Variants in HNRNPF observed in about 807,000 individuals in gnomAD.
HNRNPF encodes the protein heterogeneous nuclear ribonucleoprotein F, also known as HnRNP F protein.
In HNRNPF, 2 loss-of-function variants were observed where a neutral mutation model predicts 26.0. That is an observed-to-expected ratio of 0.08 (90% CI 0.03 to 0.24). The LOEUF (loss-of-function observed/expected upper bound fraction) is 0.24. Ranked by LOEUF, HNRNPF falls within the 10% of genes least tolerant of loss-of-function variation. The probability of loss-of-function intolerance (pLI) is 1.00; values close to 1 mark genes in which losing one functional copy is unlikely to be tolerated. For synonymous variants in HNRNPF, 234 were observed against 211.5 expected, an observed-to-expected ratio of 1.11 and a Z score of -0.92; for missense variants, 299 against 539.2, an observed-to-expected ratio of 0.55 and a Z score of 4.41.
At chr10:43,390,853 A>G (rs1838216901) in intron 3 of HNRNPF, among the ~76,000 whole-genome samples, 1 of 152,114 alleles carries the variant, frequency 6.6e-6, no homozygotes, top group African/African-American at 2.4e-5. Flanking sequence ...TTGTGGAGGC[A>G]GGCCCAGGCA....
rs371110120 is a variant in HNRNPF, at chr10:43,395,896, C to A, written c.-112+560G>T. ...CCTGTAGACCACGGCCACTGCGCAC[C>A]GCCAACGCACGCAGAGGAAGAGTCT... On this transcript the variant is annotated intron_variant, in intron 2 of 3. Coordinates refer to ENST00000682386, the MANE Select transcript of HNRNPF (RefSeq NM_001098204.2). Among the ~76,000 whole-genome samples the A allele has an allele frequency of 1.5e-3, 236 of 152,282 alleles. 1 individual carries two copies. The highest frequency in any genetic ancestry group is 5.4e-3 in the African/African-American group (224 of 41,562).
At chr10:43,398,455 C>T (rs1363807877) in intron 1 of HNRNPF, among the ~76,000 whole-genome samples, 2 of 151,480 alleles carry the variant, frequency 1.3e-5, no homozygotes, top group South Asian at 2.1e-4. Flanking sequence ...ATTCTCCTGG[C>T]CTCAACCTCC....
At chr10:43,398,574 T>C (rs1446232003) in intron 1 of HNRNPF, among the ~76,000 whole-genome samples, 1 of 151,930 alleles carries the variant, frequency 6.6e-6, no homozygotes. Context: ...ACTCCTGACC[T>C]TGTGATCCAC....
At chr10:43,388,160 C>T (rs1025389951) in intron 3 of HNRNPF, among the ~76,000 whole-genome samples, 18 of 152,192 alleles carry the variant, frequency 1.2e-4, no homozygotes, top group Non-Finnish European at 2.2e-4. Flanking sequence ...GTGCCTTGAA[C>T]ACAGAGAAAT....
chr10:43,389,593 A>C (rs547593257), intron 3 of HNRNPF, among the ~76,000 whole-genome samples: 7 of 152,360 alleles, frequency 4.6e-5, no homozygotes, highest in Middle Eastern at 3.4e-3. Flanking sequence ...AATTGTGTAA[A>C]TCTTTCAAAT....
At chr10:43,392,345 C>A (rs1240458929) in intron 3 of HNRNPF, among the ~76,000 whole-genome samples, 6 of 152,126 alleles carry the variant, frequency 3.9e-5, no homozygotes. Flanking sequence ...TCGAGACCAT[C>A]CTGGCTAACA....
At chr10:43,394,255 A>G (rs1255766407) in intron 3 of HNRNPF, among the ~76,000 whole-genome samples, 1 of 152,232 alleles carries the variant, frequency 6.6e-6, no homozygotes, top group African/African-American at 2.4e-5. Context: ...TAAAAAATAA[A>G]AACATTTCAT....
rs749516664 is a variant in HNRNPF, at chr10:43,387,073, AT to A, written c.811del (p.Met271CysfsTer23). The A allele has an allele frequency of 6.3e-5, 102 of 1,613,006 alleles. No individual in the cohort carries two copies. Among genetic ancestry groups the A allele is most frequent in the Non-Finnish European group, 8.6e-5 (101 of 1,180,036 alleles). ...ACTGTCGCCGTATCTGTGGTCATAC[AT>A]TCCGGAGAGACAGTAGCTGAGGTCT... ...GRDLSYCLSG[M>X]YDHRYGDSEF... On this transcript the variant is annotated frameshift_variant, in exon 4 of 4. Coordinates refer to ENST00000682386, the MANE Select transcript of HNRNPF (RefSeq NM_001098204.2). LOFTEE classifies it high-confidence loss of function. The surrounding 1 kb of genome is among the most constrained non-coding windows in gnomAD (Gnocchi z 6.0).
rs753415568 is a variant in HNRNPF at position 43,387,549 on chromosome 10, G to C, written c.336C>G (p.Phe112Leu). The change falls in exon 4 of 4, where the codon TTC becomes TTG. Residue 112 changes from phenylalanine (F) to leucine (L), a missense_variant. This residue lies in a region of HNRNPF where 104 missense variants were observed against 239.0 expected (regional missense o/e 0.44). Transcript: ENST00000682386. The surrounding 1 kb of genome is among the most constrained non-coding windows in gnomAD (Gnocchi z 6.0). ...PNSADSANDG[F>L]VRLRGLPFGC... Reference sequence around the variant, plus strand: ...CAAATGGGAGTCCTCGAAGCCGCACGAAGCCATCGTTGGCGCTGTCGGCAC... The same window carrying C: ...CAAATGGGAGTCCTCGAAGCCGCACCAAGCCATCGTTGGCGCTGTCGGCAC... 1.1e-5 allele frequency: 17 copies of C among 1,614,010 alleles called. No homozygotes were observed. In the Admixed American group the frequency reaches 2.5e-4, roughly 24 times the overall value.
chr10:43,389,570 C>T (rs1023284443), intron 3 of HNRNPF, among the ~76,000 whole-genome samples: 1 of 152,130 alleles, frequency 6.6e-6, no homozygotes, highest in Non-Finnish European at 1.5e-5. Context: ...AAATTGACAA[C>T]GTCTAAAAGG....
intron 1 of HNRNPF, among the ~76,000 whole-genome samples, chr10:43,399,339 C>T (rs548229985): frequency 1.3e-5 from 2 of 152,260 alleles, no homozygotes; most frequent in African/African-American, 4.8e-5. Context: ...CCACCTTGGC[C>T]TCCCAAAGTG....
At chr10:43,395,301 C>T (rs969711520) in intron 2 of HNRNPF, among the ~76,000 whole-genome samples, 1 of 152,194 alleles carries the variant, frequency 6.6e-6, no homozygotes, top group Non-Finnish European at 1.5e-5. Flanking sequence ...TGTGGAGACA[C>T]ATCCAAAAGA....
In HNRNPF at chr10:43,387,970, T is replaced by C. The variant is rs373389756; in HGVS notation, c.-52-34A>G. 3 of 1,188,974 alleles carry C rather than the reference T, an allele frequency of 2.5e-6. No homozygotes were observed. 73.7% of individuals were successfully genotyped at this position (1,188,974 alleles called of 1,614,324 possible). The stretch of plus-strand genomic sequence containing the variant: ...AAAAAAAAGAAAAATTTATTTAGTA[T>C]GCAACAGAAATTTTCCCCATTTTAC... On this transcript the variant is annotated intron_variant, in intron 3 of 3. Transcript: ENST00000682386. This position sits in a 1 kb window ranked among gnomAD's most constrained non-coding sequence, Gnocchi z 6.0.
chr10:43,387,405 G>A lies in HNRNPF; in HGVS notation c.480C>T (p.Ala160=), dbSNP rs146432472. 6.8e-6 allele frequency: 11 copies of A among 1,614,074 alleles called. No individual in the cohort carries two copies. Among genetic ancestry groups the A allele is most frequent in the South Asian group, 1.1e-5 (1 of 91,094 alleles). Residue 160 remains alanine, a synonymous_variant, in exon 4 of 4, where the codon GCC becomes GCT. Coordinates refer to ENST00000682386, the MANE Select transcript of HNRNPF (RefSeq NM_001098204.2). This position sits in a 1 kb window ranked among gnomAD's most constrained non-coding sequence, Gnocchi z 6.0. ...GAGCCTTCTCAGCTAACTCCTGCGA[G>A]GCAAACTGCACGAACGCTTCCCCTG... is the stretch of plus-strand genomic sequence containing the variant. The part of the protein sequence containing the change: ...KITGEAFVQF[A]SQELAEKALG...
chr10:43,408,299 A>G (rs561587883), intron 1 of HNRNPF, among the ~76,000 whole-genome samples: 1 of 151,898 alleles, frequency 6.6e-6, no homozygotes, highest in Admixed American at 6.5e-5. Flanking sequence ...CTGACTCCAA[A>G]ATCTCAGCCC....
rs1838032792 is a variant in HNRNPF at position 43,386,600 on chromosome 10, G to GAAAAT, written c.*32_*36dup. The stretch of plus-strand genomic sequence containing the variant: ...TCTTAATTGCTTGTTGGCTGCCTGT[G>GAAAAT]AAAATGATTGAAGTAACTCAAATGT... On this transcript the variant is annotated 3_prime_UTR_variant, in exon 4 of 4. Coordinates refer to ENST00000682386, the MANE Select transcript of HNRNPF (RefSeq NM_001098204.2). 6.7e-7 allele frequency: 1 copy of GAAAAT among 1,500,110 alleles called. No homozygotes were observed. Among genetic ancestry groups the GAAAAT allele is most frequent in the Non-Finnish European group, 8.9e-7 (1 of 1,128,332 alleles). The allele number at this position is 1,500,110 out of a possible 1,614,324, so 92.9% of individuals were successfully genotyped here.
At chr10:43,402,872 T>C (rs1457295673) in intron 1 of HNRNPF, among the ~76,000 whole-genome samples, 4 of 150,896 alleles carry the variant, frequency 2.7e-5, no homozygotes, top group East Asian at 3.9e-4. Context: ...TAATCTGTCA[T>C]GCCTTTTCTT....
intron 3 of HNRNPF, among the ~76,000 whole-genome samples, chr10:43,393,465 C>T (rs1838334160): frequency 1.3e-5 from 2 of 152,012 alleles, no homozygotes; most frequent in African/African-American, 4.8e-5. Flanking sequence ...CGTGGTGGCG[C>T]ATGCCTATAA....
At chr10:43,405,384 C>A (rs1454305430) in intron 1 of HNRNPF, among the ~76,000 whole-genome samples, 1 of 152,090 alleles carries the variant, frequency 6.6e-6, no homozygotes, top group Non-Finnish European at 1.5e-5. Flanking sequence ...ATGCCGGGCG[C>A]GGTGGCTCAC....
Sources: gnomAD v4.1 joint callset for allele counts (sites outside exome capture counted in the v4.1 genomes callset) on GRCh38, gnomAD v4.1.1 for gene constraint, gnomAD v4.1.1 regional missense constraint, Gnocchi (gnomAD v3.1) non-coding constraint, MANE v1.5 for transcripts, NCBI Gene and HGNC (gene_info 2026-07-23, HGNC 2026-07-21) for gene names.